COL4A5: variants seen among roughly 807,000 people sequenced by gnomAD.
COL4A5 encodes the protein collagen alpha-5(IV) chain.
COL4A5 carries 26 observed loss-of-function variants against 130.2 expected under a neutral mutation model. The observed-to-expected ratio is 0.20, with a 90% CI of 0.15 to 0.28. The LOEUF (loss-of-function observed/expected upper bound fraction) is 0.28. Ranked by LOEUF, COL4A5 falls within the 10% of genes least tolerant of loss-of-function variation. The probability of loss-of-function intolerance (pLI) is 1.00; values close to 1 mark genes in which losing one functional copy is unlikely to be tolerated. For synonymous variants in COL4A5, 496 were observed against 439.6 expected (o/e 1.13, Z -1.60); for missense variants, 1,131 against 1,344.3 (o/e 0.84, Z 2.48).
chrX:108,642,623 C>A (rs2067492140), intron 36 of COL4A5, among the ~76,000 whole-genome samples: 1 of 110,052 alleles, frequency 9.1e-6, no homozygotes, highest in Non-Finnish European at 1.9e-5. Flanking sequence ...GTGGCTAAAC[C>A]AAGAAGAGAG....
chrX:108,579,894 G>A (rs2066213037), intron 13 of COL4A5, among the ~76,000 whole-genome samples: 1 of 111,060 alleles, frequency 9.0e-6, no homozygotes, highest in African/African-American at 3.3e-5. Context: ...CATTTTAAGT[G>A]TTGCCTTGTT....
At chrX:108,567,716 A>G (rs2065994855) in intron 4 of COL4A5, among the ~76,000 whole-genome samples, 1 of 111,847 alleles carries the variant, frequency 8.9e-6, no homozygotes, top group South Asian at 3.7e-4. Flanking sequence ...ACATGGCAGC[A>G]GACAAGAGAA....
At position 108,535,622 on chromosome X, in the gene COL4A5, C is replaced by A. The variant is rs181757140; in HGVS notation, c.82-4124C>A. On this transcript the variant is annotated intron_variant, in intron 1 of 52. Coordinates refer to ENST00000328300, the MANE Select transcript of COL4A5 (RefSeq NM_033380.3). ...CTAAGCACCAAGAGATCTTTTCTTC[C>A]ACCTCCCTGGGTGTGGGATTGTGAG... Among the ~76,000 whole-genome samples the A allele has an allele frequency of 6.9e-3, 766 of 110,568 alleles. 3 individuals carry two copies. Among genetic ancestry groups the A allele is most frequent in the Non-Finnish European group, 9.0e-3 (476 of 52,697 alleles).
At chrX:108,496,241 ATTT>A (rs780959849) in intron 1 of COL4A5, among the ~76,000 whole-genome samples, 11 of 111,682 alleles carry the variant, frequency 9.8e-5, no homozygotes, top group Non-Finnish European at 1.9e-4. Flanking sequence ...CACACCACTC[ATTT>A]TTGACATGTT....
intron 1 of COL4A5, among the ~76,000 whole-genome samples, chrX:108,463,782 C>T (rs2064676417): frequency 8.9e-6 from 1 of 112,092 alleles, no homozygotes; most frequent in Non-Finnish European, 1.9e-5. Flanking sequence ...GGAAGTTAGA[C>T]TAGATTTTAT....
intron 36 of COL4A5, among the ~76,000 whole-genome samples, chrX:108,645,852 T>C (rs1051913751): frequency 2.2e-4 from 24 of 109,074 alleles, no homozygotes; most frequent in Non-Finnish European, 4.6e-4. Context: ...GTCCTTGCGA[T>C]AGTTTGCTGA....
At chrX:108,582,508 G>C in intron 16 of COL4A5, 1 of 158,578 alleles carries the variant, frequency 6.3e-6, no homozygotes, top group Non-Finnish European at 1.2e-5. Context: ...CTCTCCAATT[G>C]CTGCTAGGCT....
At chrX:108,578,431 TA>T in intron 13 of COL4A5, 48 bp downstream of exon 13, 1 of 901,928 alleles carries the variant, frequency 1.1e-6, no homozygotes, top group African/African-American at 1.9e-5. Context: ...ATGGATATGT[TA>T]ATTAGTTTGA....
At chrX:108,555,417 G>C (rs2065810656) in intron 2 of COL4A5, among the ~76,000 whole-genome samples, 2 of 111,766 alleles carry the variant, frequency 1.8e-5, no homozygotes, top group South Asian at 7.4e-4. Flanking sequence ...TAGGTATTAT[G>C]CAAAAAAGAG....
At chrX:108,602,693 C>G (rs1335454893) in intron 27 of COL4A5, among the ~76,000 whole-genome samples, 1 of 111,751 alleles carries the variant, frequency 8.9e-6, no homozygotes, top group Admixed American at 9.5e-5. Flanking sequence ...GGGATTCATT[C>G]CTTACAATTT....
At chrX:108,647,116 AG>A (rs1411362403) in intron 36 of COL4A5, among the ~76,000 whole-genome samples, 5 of 110,713 alleles carry the variant, frequency 4.5e-5, no homozygotes, top group Non-Finnish European at 7.5e-5. Context: ...CATTCTGTGA[AG>A]AAAGTCATTG....
At chrX:108,487,330 C>T (rs1047966743) in intron 1 of COL4A5, among the ~76,000 whole-genome samples, 4 of 101,714 alleles carry the variant, frequency 3.9e-5, no homozygotes, top group Admixed American at 1.1e-4. Flanking sequence ...ATGGAGGTTG[C>T]GGTGAGCCGA....
At chrX:108,522,973 G>A (rs2065279344) in intron 1 of COL4A5, among the ~76,000 whole-genome samples, 1 of 107,683 alleles carries the variant, frequency 9.3e-6, no homozygotes, top group Non-Finnish European at 1.9e-5. Context: ...CGCCTCCCGG[G>A]TTCAAGTGAT....
At chrX:108,680,637 C>T (rs773197074) in intron 44 of COL4A5, 42 bp from the exon 45 acceptor site, 48 of 1,120,664 alleles carry the variant, frequency 4.3e-5, no homozygotes, top group East Asian at 1.8e-4. Flanking sequence ...TTCCTCCCCT[C>T]GCTGCAATTT....
intron 1 of COL4A5, among the ~76,000 whole-genome samples, chrX:108,455,057 C>G (rs1055483061): frequency 8.9e-6 from 1 of 112,118 alleles, no homozygotes; most frequent in African/African-American, 3.2e-5. Context: ...GTAAATTGCT[C>G]CAAAAGATTT....
At chrX:108,505,953 T>C (rs2065119730) in intron 1 of COL4A5, among the ~76,000 whole-genome samples, 1 of 112,403 alleles carries the variant, frequency 8.9e-6, no homozygotes, top group South Asian at 3.7e-4. Context: ...CCCATCATCC[T>C]CTTAAAGTGA....
At position 108,567,034 on chromosome X, in the gene COL4A5, C is replaced by CT. The variant is rs201842376; in HGVS notation, c.277-1590dup. On this transcript the variant is annotated intron_variant, in intron 4 of 52. Coordinates refer to ENST00000328300, the MANE Select transcript of COL4A5 (RefSeq NM_033380.3). ...TATCATAAATGTAATTTCTTATTTG[C>CT]TTTTTCCTACAATATGCCTATTTCC... Among the ~76,000 whole-genome samples, 800 of 111,643 alleles carry CT rather than the reference C, an allele frequency of 7.2e-3. 4 individuals carry two copies. The highest frequency in any genetic ancestry group is 0.035 in the East Asian group (125 of 3,541).
intron 1 of COL4A5, among the ~76,000 whole-genome samples, chrX:108,466,647 T>C (rs1036672102): frequency 1.8e-5 from 2 of 111,231 alleles, no homozygotes; most frequent in African/African-American, 6.5e-5. Context: ...TTGCCCAGGC[T>C]GGAGTGCAGT....
intron 36 of COL4A5, chrX:108,627,155 C>T (rs1254196972): frequency 7.5e-6 from 5 of 663,254 alleles, no homozygotes; most frequent in African/African-American, 2.4e-5. Context: ...TATGTTCATT[C>T]CAGTTTAACA....
Sources: allele counts gnomAD v4.1 joint callset (sites outside exome capture counted in the v4.1 genomes callset), GRCh38; gene constraint gnomAD v4.1.1; transcripts MANE v1.5; gene names NCBI Gene and HGNC (gene_info 2026-07-23, HGNC 2026-07-21).